Variants in SRP54 observed in about 807,000 individuals in gnomAD.
SRP54 encodes the protein signal recognition particle subunit SRP54.
SRP54 carries 10 observed loss-of-function variants against 64.8 expected under a neutral mutation model. That is an observed-to-expected ratio of 0.15 (90% confidence interval 0.10 to 0.26). SRP54 has a LOEUF of 0.26. Among genes scored for constraint, SRP54 ranks in the 10% least tolerant of loss-of-function variants. The probability of loss-of-function intolerance (pLI) is 1.00; values close to 1 mark genes in which losing one functional copy is unlikely to be tolerated. For missense variants in SRP54, 325 were observed against 613.7 expected, an observed-to-expected ratio of 0.53 and a Z score of 4.97; for synonymous variants, 193 against 185.6, an observed-to-expected ratio of 1.04 and a Z score of -0.32.
intron 1 of SRP54, chr14:34,993,426 TG>T (rs1206519909): frequency 5.3e-5 from 8 of 152,208 alleles, no homozygotes; most frequent in Non-Finnish European, 1.2e-4. Flanking sequence ...ACAATGTAAT[TG>T]TAAAAAAATC....
intron 4 of SRP54, among the ~76,000 whole-genome samples, chr14:35,006,075 G>A (rs1319382959): frequency 6.6e-6 from 1 of 151,896 alleles, no homozygotes. Context: ...TCCTGACCTT[G>A]TGATCCACCT....
At chr14:34,996,189 C>T (rs1452126624) in intron 1 of SRP54, among the ~76,000 whole-genome samples, 5 of 152,022 alleles carry the variant, frequency 3.3e-5, no homozygotes, top group African/African-American at 1.2e-4. Flanking sequence ...TGAACAGTTG[C>T]TTTTTTTGTA....
chr14:34,987,986 G>T (rs933383416), intron 1 of SRP54, among the ~76,000 whole-genome samples: 2 of 152,070 alleles, frequency 1.3e-5, no homozygotes, highest in Non-Finnish European at 2.9e-5. Context: ...AAATTCTTGG[G>T]AAACCTTGCT....
chr14:34,995,157 G>GTGTGTA (rs989017603), intron 1 of SRP54, among the ~76,000 whole-genome samples: 1 of 140,344 alleles, frequency 7.1e-6, no homozygotes, highest in African/African-American at 2.6e-5. Context: ...GTGTGTGTGT[G>GTGTGTA]TGTGTGTGTG....
chr14:34,993,914 C>T (rs1400052105), intron 1 of SRP54, among the ~76,000 whole-genome samples: 4 of 151,988 alleles, frequency 2.6e-5, no homozygotes, highest in Admixed American at 2.0e-4. Context: ...AGGGTGGTCT[C>T]GAACTCCCAA....
intron 10 of SRP54, among the ~76,000 whole-genome samples, 172 bp downstream of exon 10, chr14:35,014,074 G>C (rs1477572723): frequency 6.6e-6 from 1 of 152,100 alleles, no homozygotes; most frequent in Non-Finnish European, 1.5e-5. Context: ...TGTGGTGAAA[G>C]TGGTAAAATG....
intron 4 of SRP54, chr14:35,004,709 G>A (rs946439012): frequency 6.6e-6 from 1 of 152,162 alleles, no homozygotes; most frequent in Middle Eastern, 3.2e-3. Flanking sequence ...TAGAGAGCTG[G>A]GAGTTTTTGC....
intron 1 of SRP54, among the ~76,000 whole-genome samples, chr14:34,985,455 A>T (rs143653979): frequency 9.9e-4 from 151 of 152,168 alleles, no homozygotes; most frequent in Admixed American, 2.8e-3. Context: ...TGCCATAACC[A>T]TTTGGTCATT....
At chr14:35,007,499 ATT>A (rs965517839) in intron 5 of SRP54, 112 bp downstream of exon 5, 1 of 285,530 alleles carries the variant, frequency 3.5e-6, no homozygotes, top group African/African-American at 2.3e-5. Flanking sequence ...TGAAATATAT[ATT>A]TTATTAATTA....
Position 35,011,967 on chromosome 14 carries a change from C to T in SRP54, c.636+308C>T, listed in dbSNP as rs139237166. On this transcript the variant is annotated intron_variant, in intron 8 of 15. Coordinates refer to ENST00000216774, the MANE Select transcript of SRP54 (RefSeq NM_003136.4). ...GGTATGGTGGCTCACATCTATAATC[C>T]CAGCACTTTGGGAGGCCAGGGCGGA... 1.7e-3 allele frequency among the ~76,000 whole-genome samples: 256 copies of T among 151,950 alleles called. 6 individuals are homozygous for T. The East Asian group carries it at 0.042, about 25-fold the overall frequency.
intron 4 of SRP54, among the ~76,000 whole-genome samples, chr14:35,004,102 T>G (rs1432109330): frequency 1.3e-5 from 2 of 151,012 alleles, no homozygotes; most frequent in African/African-American, 4.9e-5. Context: ...AAAAAAAAAT[T>G]AGCCATGTCT....
chr14:35,018,245 A>G lies in SRP54; in HGVS notation c.974-447A>G, dbSNP rs149414786. Among the ~76,000 whole-genome samples the G allele has an allele frequency of 2.2e-3, 334 of 152,296 alleles. 1 individual carries two copies. Among genetic ancestry groups the G allele is most frequent in the African/African-American group, 7.3e-3 (305 of 41,580 alleles). The stretch of plus-strand genomic sequence containing the variant: ...CTGAATAATATTTTTTCCACAGTGT[A>G]TCCATTTTCCTGTTCATAGATACCT... On this transcript the variant is annotated intron_variant, in intron 11 of 15. Coordinates refer to ENST00000216774, the MANE Select transcript of SRP54 (RefSeq NM_003136.4).
intron 1 of SRP54, among the ~76,000 whole-genome samples, chr14:34,990,093 A>T (rs1016926505): frequency 1.3e-5 from 2 of 152,130 alleles, no homozygotes; most frequent in Non-Finnish European, 2.9e-5. Flanking sequence ...TACTTAGGGC[A>T]CCCAAAACTT....
At chr14:35,008,884 CTTTTTT>C (rs35812379) in intron 7 of SRP54, 53 bp downstream of exon 7, 139 of 676,206 alleles carry the variant, frequency 2.1e-4, no homozygotes, top group East Asian at 2.9e-4. Context: ...TGTCTGTCAG[CTTTTTT>C]TTTTTTTTTT....
chr14:35,027,369 AGTC>A (rs2044648523), intron 14 of SRP54, among the ~76,000 whole-genome samples: 1 of 152,130 alleles, frequency 6.6e-6, no homozygotes, highest in Non-Finnish European at 1.5e-5. Context: ...CCAGCCATCC[AGTC>A]TCTTTGCTAA....
At chr14:35,003,574 T>G (rs1199489499) in intron 4 of SRP54, among the ~76,000 whole-genome samples, 4 of 28,770 alleles carry the variant, frequency 1.4e-4, no homozygotes, top group Non-Finnish European at 2.4e-4. Context: ...TTTTTTTGGT[T>G]TTTTTTTTTT....
chr14:35,015,466 A>G (rs1188185571), intron 11 of SRP54, among the ~76,000 whole-genome samples: 2 of 152,082 alleles, frequency 1.3e-5, no homozygotes. Context: ...ATGAAAGACC[A>G]CTCCTGTAGA....
chr14:34,998,532 C>T (rs1363482872), intron 2 of SRP54, among the ~76,000 whole-genome samples: 2 of 152,066 alleles, frequency 1.3e-5, no homozygotes, highest in East Asian at 1.9e-4. Context: ...CAATATTAAG[C>T]CGGGTGTGGT....
intron 4 of SRP54, among the ~76,000 whole-genome samples, chr14:35,006,902 A>G (rs1316677501): frequency 6.6e-6 from 1 of 152,210 alleles, no homozygotes; most frequent in African/African-American, 2.4e-5. Context: ...TATATAATTT[A>G]AAAGTTGTGG....
Sources: gnomAD v4.1 joint callset for allele counts (sites outside exome capture counted in the v4.1 genomes callset) on GRCh38, gnomAD v4.1.1 for gene constraint, MANE v1.5 for transcripts, NCBI Gene and HGNC (gene_info 2026-07-23, HGNC 2026-07-21) for gene names.